ERCC8: variants seen among roughly 807,000 people sequenced by gnomAD.
ERCC8 encodes the protein ERCC excision repair 8, CSA ubiquitin ligase complex subunit, also known as DNA excision repair protein ERCC-8.
In ERCC8, 52 loss-of-function variants were observed where a neutral mutation model predicts 54.9. That is an observed-to-expected ratio of 0.95 (90% CI 0.76 to 1.19). The LOEUF is 1.19. ERCC8 is among the 50% of genes most tolerant of loss of function. The probability of loss-of-function intolerance (pLI) is 0.00; values close to 1 mark genes in which losing one functional copy is unlikely to be tolerated. For missense variants in ERCC8, 514 were observed against 466.1 expected, an observed-to-expected ratio of 1.10 and a Z score of -0.95; for synonymous variants, 146 against 157.2, an observed-to-expected ratio of 0.93 and a Z score of 0.53.
chr5:60,882,725 T>C (rs1342460811), intron 11 of ERCC8, among the ~76,000 whole-genome samples: 1 of 152,158 alleles, frequency 6.6e-6, no homozygotes, highest in East Asian at 1.9e-4. Flanking sequence ...TACTCACTGA[T>C]TTCTAGCCAC....
At chr5:60,884,518 T>TA (rs1207380746) in intron 11 of ERCC8, among the ~76,000 whole-genome samples, 2 of 104,200 alleles carry the variant, frequency 1.9e-5, no homozygotes, top group African/African-American at 6.7e-5. Flanking sequence ...TATATGTGTG[T>TA]ATGTGTTTTT....
chr5:60,868,295 G>A lies in ERCC8; in HGVS notation c.*6320C>T, dbSNP rs1036846990. Among the ~76,000 whole-genome samples the A allele has an allele frequency of 3.3e-5, 5 of 152,190 alleles. No individual in the cohort carries two copies. The highest frequency in any genetic ancestry group is 5.9e-5 in the Non-Finnish European group (4 of 68,032). On this transcript the variant is annotated 3_prime_UTR_variant, in exon 12 of 12. Coordinates refer to ENST00000676185, the MANE Select transcript of ERCC8 (RefSeq NM_000082.4). ...TTTTTAGAGACAGAATAACTAACCAGGTTGGGACAGAGACACCCATTTCTT... is the reference window on the plus strand; with the variant it reads ...TTTTTAGAGACAGAATAACTAACCAAGTTGGGACAGAGACACCCATTTCTT...
intron 10 of ERCC8, among the ~76,000 whole-genome samples, chr5:60,889,617 T>A (rs1408374739): frequency 6.6e-6 from 1 of 152,168 alleles, no homozygotes; most frequent in Non-Finnish European, 1.5e-5. Flanking sequence ...ACGATTTTAA[T>A]CCATTCTAGG....
intron 1 of ERCC8, among the ~76,000 whole-genome samples, chr5:60,929,252 C>G (rs1430112367): frequency 6.6e-6 from 1 of 152,130 alleles, no homozygotes; most frequent in African/African-American, 2.4e-5. Flanking sequence ...GCATAAATTA[C>G]AGGATTAAAA....
chr5:60,887,338 C>T lies in ERCC8; in HGVS notation c.1122+102G>A, dbSNP rs578114086. On this transcript the variant is annotated intron_variant, in intron 11 of 11. Transcript: ENST00000676185. ...GGTACCTGGGACTATAGGTGCATGC[C>T]ACTGGCAAGAAATGCTTTAAAAGTC... 1.0e-5 allele frequency: 10 copies of T among 979,316 alleles called. No homozygotes were observed. In the East Asian group the frequency reaches 1.2e-4, roughly 12 times the overall value. The allele number at this position is 979,316 out of a possible 1,614,324, so 60.7% of individuals were successfully genotyped here.
chr5:60,886,006 A>C (rs1561496486), intron 11 of ERCC8, among the ~76,000 whole-genome samples: 1 of 152,130 alleles, frequency 6.6e-6, no homozygotes, highest in Non-Finnish European at 1.5e-5. Context: ...GATTACCTTA[A>C]GGTGTTTCCA....
chr5:60,873,940 G>A lies in ERCC8; in HGVS notation c.*675C>T, dbSNP rs1747922413. 2 of 152,062 alleles carry A rather than the reference G, an allele frequency of 1.3e-5. No homozygotes were observed. The highest frequency in any genetic ancestry group is 4.8e-5 in the African/African-American group (2 of 41,408). The allele number at this position is 152,062 out of a possible 1,614,324, so 9.4% of individuals were successfully genotyped here. A position where few individuals can be genotyped will look rare whatever the true frequency, so the allele number is the denominator to read the frequency against. Reference sequence around the variant, plus strand: ...AGGCAGGATTTGGTCATACCTTAATGAGTTTCACAGAAAAAGAGTTCAAGC... The same window carrying A: ...AGGCAGGATTTGGTCATACCTTAATAAGTTTCACAGAAAAAGAGTTCAAGC... On this transcript the variant is annotated 3_prime_UTR_variant, in exon 12 of 12. Coordinates refer to ENST00000676185, the MANE Select transcript of ERCC8 (RefSeq NM_000082.4).
At chr5:60,910,241 T>A (rs1312354884) in intron 4 of ERCC8, among the ~76,000 whole-genome samples, 1 of 152,186 alleles carries the variant, frequency 6.6e-6, no homozygotes, top group Non-Finnish European at 1.5e-5. Flanking sequence ...TTCCACTGTA[T>A]GGTGTTTTTC....
intron 6 of ERCC8, among the ~76,000 whole-genome samples, chr5:60,903,168 A>C (rs186227183): frequency 6.6e-6 from 1 of 152,010 alleles, no homozygotes; most frequent in East Asian, 1.9e-4. Flanking sequence ...CTATCTTTTC[A>C]TTGTTTAGAA....
At chr5:60,914,818 A>T (rs1749381617) in intron 4 of ERCC8, among the ~76,000 whole-genome samples, 1 of 149,046 alleles carries the variant, frequency 6.7e-6, no homozygotes, top group Non-Finnish European at 1.5e-5. Context: ...AAGGATATTG[A>T]CTTTTATTTC....
At chr5:60,891,745 G>C (rs1342476694) in intron 9 of ERCC8, among the ~76,000 whole-genome samples, 1 of 151,792 alleles carries the variant, frequency 6.6e-6, no homozygotes, top group Non-Finnish European at 1.5e-5. Flanking sequence ...GGGTTTGTCA[G>C]CTCCAGCCTC....
chr5:60,904,213 T>G (rs1748987262), intron 5 of ERCC8, among the ~76,000 whole-genome samples: 1 of 152,098 alleles, frequency 6.6e-6, no homozygotes. Context: ...GGACACAGAC[T>G]GAAAGGACCT....
rs1266294120 is a variant in ERCC8 at position 60,873,529 on chromosome 5, T to G, written c.*1086A>C. Among the ~76,000 whole-genome samples, 4 of 152,068 alleles carry G rather than the reference T, an allele frequency of 2.6e-5. No individual in the cohort carries two copies. In the South Asian group the frequency reaches 8.3e-4, roughly 32 times the overall value. ...ATCTCTACTGAAAATACAAAAAAAT[T>G]AACCGGGCGCAGTGGCGGGAGCCTG... is the stretch of plus-strand genomic sequence containing the variant. On this transcript the variant is annotated 3_prime_UTR_variant, in exon 12 of 12. Coordinates refer to ENST00000676185, the MANE Select transcript of ERCC8 (RefSeq NM_000082.4).
Position 60,869,918 on chromosome 5 carries a change from C to G in ERCC8, c.*4697G>C, listed in dbSNP as rs554962781. The stretch of plus-strand genomic sequence containing the variant: ...CAGCCAAGACAGCGTGAAAGGAAAA[C>G]ATATAAAATGTACAAGGCACTGGAG... On this transcript the variant is annotated 3_prime_UTR_variant, in exon 12 of 12. Coordinates refer to ENST00000676185, the MANE Select transcript of ERCC8 (RefSeq NM_000082.4). Among the ~76,000 whole-genome samples the G allele has an allele frequency of 1.3e-5, 2 of 152,228 alleles. No homozygotes were observed. Among genetic ancestry groups the G allele is most frequent in the South Asian group, 2.1e-4 (1 of 4,828 alleles).
chr5:60,902,348 A>C, intron 7 of ERCC8, 94 bp downstream of exon 7: 3 of 919,780 alleles, frequency 3.3e-6, no homozygotes, highest in Non-Finnish European at 5.1e-6. Context: ...ATTAATAATT[A>C]AATATGCTAA....
intron 4 of ERCC8, among the ~76,000 whole-genome samples, chr5:60,915,623 A>T (rs1014521627): frequency 6.6e-6 from 1 of 152,008 alleles, no homozygotes; most frequent in Admixed American, 6.6e-5. Flanking sequence ...CTAGGAGAGA[A>T]TACTTTCTCC....
rs541095079 is a variant in ERCC8 at position 60,912,073 on chromosome 5, G to A, written c.399+6192C>T. Among the ~76,000 whole-genome samples, 15 of 152,120 alleles carry A rather than the reference G, an allele frequency of 9.9e-5. No individual in the cohort carries two copies. The South Asian group carries it at 2.1e-3, about 21-fold the overall frequency. ...TGGCTTAGGATTGTCTTGGTAATGC[G>A]GGCTCTTTTTTGGTTTCATATGAAC... On this transcript the variant is annotated intron_variant, in intron 4 of 11. Transcript: ENST00000676185.
rs1205017982 is a variant in ERCC8 at position 60,866,804 on chromosome 5, G to A, written c.*7811C>T. On this transcript the variant is annotated 3_prime_UTR_variant, in exon 12 of 12. Transcript: ENST00000676185. Reference sequence around the variant, plus strand: ...AAATATGATGATTTGTGATTTTAGAGCAGGAATGAACCTTAATAATTTTCT... The same window carrying A: ...AAATATGATGATTTGTGATTTTAGAACAGGAATGAACCTTAATAATTTTCT... 6 of 152,160 alleles carry A rather than the reference G, an allele frequency of 3.9e-5. No homozygotes were observed. The East Asian group carries it at 1.2e-3, about 29-fold the overall frequency. The allele number at this position is 152,160 out of a possible 1,614,324, so 9.4% of individuals were successfully genotyped here. A position where few individuals can be genotyped will look rare whatever the true frequency, so the allele number is the denominator to read the frequency against.
At chr5:60,928,744 T>C (rs902880774) in intron 2 of ERCC8, 120 bp downstream of exon 2, 1 of 617,302 alleles carries the variant, frequency 1.6e-6, no homozygotes, top group African/African-American at 1.8e-5. Flanking sequence ...GATTCAAAAA[T>C]GCTACAATTT....
Sources: allele counts gnomAD v4.1 joint callset (sites outside exome capture counted in the v4.1 genomes callset), GRCh38; gene constraint gnomAD v4.1.1; transcripts MANE v1.5; gene names NCBI Gene and HGNC (gene_info 2026-07-23, HGNC 2026-07-21).